Variants in IQCM observed in about 807,000 individuals in gnomAD.
IQCM encodes the protein IQ motif containing M.
IQCM carries 45 observed loss-of-function variants against 57.6 expected under a neutral mutation model. The observed-to-expected ratio is 0.78, with a 90% CI of 0.62 to 1.00. The LOEUF is 1.00. Ranked by LOEUF, IQCM falls within the 50% of genes least tolerant of loss-of-function variation. The pLI, the probability that IQCM is intolerant of heterozygous loss-of-function variation, is 0.00. For synonymous variants in IQCM, 148 were observed against 158.9 expected (o/e 0.93, Z 0.51); for missense variants, 468 against 511.6 (o/e 0.91, Z 0.82).
intron 12 of IQCM, 129 bp downstream of exon 12, chr4:149,548,326 A>G (rs144496619): frequency 2.8e-5 from 20 of 706,084 alleles, no homozygotes; most frequent in Middle Eastern, 4.6e-4. Context: ...AAGCACTTAC[A>G]CAAAAAGTTT....
chr4:149,797,073 AC>A (rs1162758383), intron 2 of IQCM, among the ~76,000 whole-genome samples: 12 of 152,142 alleles, frequency 7.9e-5, no homozygotes, highest in Admixed American at 5.9e-4. Context: ...ACTAAATAAG[AC>A]ACCAGGGGCC....
chr4:149,515,107 T>TGTGTGTGC (rs760549261), intron 12 of IQCM, among the ~76,000 whole-genome samples: 6 of 147,996 alleles, frequency 4.1e-5, no homozygotes, highest in Non-Finnish European at 7.4e-5. Context: ...TGTGTGTGTG[T>TGTGTGTGC]GCAGGCGCCC....
intron 2 of IQCM, among the ~76,000 whole-genome samples, chr4:149,765,994 A>C (rs890199399): frequency 6.6e-6 from 1 of 152,020 alleles, no homozygotes; most frequent in African/African-American, 2.4e-5. Context: ...TGCCCGCCAA[A>C]TTATCCTTAA....
chr4:149,761,847 A>G (rs567245399), intron 2 of IQCM, among the ~76,000 whole-genome samples: 16 of 152,226 alleles, frequency 1.1e-4, no homozygotes, highest in Admixed American at 6.6e-4. Flanking sequence ...TTCTTGTATG[A>G]TATGATTTAT....
chr4:149,719,670 A>G (rs1161088337), intron 5 of IQCM, among the ~76,000 whole-genome samples: 1 of 152,208 alleles, frequency 6.6e-6, no homozygotes, highest in African/African-American at 2.4e-5. Context: ...TGTTGGCTTT[A>G]TTCCAGAATT....
At chr4:149,482,356 C>T (rs1740999828) in intron 12 of IQCM, among the ~76,000 whole-genome samples, 1 of 151,844 alleles carries the variant, frequency 6.6e-6, no homozygotes, top group Non-Finnish European at 1.5e-5. Flanking sequence ...TGTCATGTTC[C>T]AGGTCTTAGA....
chr4:149,683,147 T>C (rs1413217651), intron 6 of IQCM, among the ~76,000 whole-genome samples: 2 of 151,214 alleles, frequency 1.3e-5, no homozygotes, highest in African/African-American at 4.8e-5. Flanking sequence ...AGAAATTCAT[T>C]GTATAGATTT....
chr4:149,693,961 C>T (rs911784987), intron 5 of IQCM, among the ~76,000 whole-genome samples: 2 of 152,132 alleles, frequency 1.3e-5, no homozygotes, highest in Non-Finnish European at 2.9e-5. Context: ...AAACAATTTG[C>T]AGCACTCATT....
At chr4:149,513,638 T>A (rs1485784237) in intron 12 of IQCM, among the ~76,000 whole-genome samples, 2 of 152,160 alleles carry the variant, frequency 1.3e-5, no homozygotes, top group Non-Finnish European at 2.9e-5. Flanking sequence ...GTTTCTGCAT[T>A]CTATAAGCTT....
chr4:149,736,563 G>A (rs1429010620), intron 3 of IQCM, among the ~76,000 whole-genome samples: 4 of 152,016 alleles, frequency 2.6e-5, no homozygotes, highest in Admixed American at 6.6e-5. Flanking sequence ...TACTATGAAG[G>A]TTTTCTCTAC....
intron 2 of IQCM, among the ~76,000 whole-genome samples, chr4:149,754,464 T>TCCATGCA (rs1196732426): frequency 1.3e-5 from 2 of 152,216 alleles, no homozygotes; most frequent in African/African-American, 4.8e-5. Flanking sequence ...TCAGAGGGTC[T>TCCATGCA]TTCTGGGGAA....
At chr4:149,614,891 T>C (rs1755648098) in intron 8 of IQCM, among the ~76,000 whole-genome samples, 1 of 152,204 alleles carries the variant, frequency 6.6e-6, no homozygotes, top group Admixed American at 6.5e-5. Flanking sequence ...CAGTGACACC[T>C]TCCTGACTCT....
intron 13 of IQCM, among the ~76,000 whole-genome samples, chr4:149,403,721 C>CTTTT (rs1732782287): frequency 6.6e-6 from 1 of 151,908 alleles, no homozygotes; most frequent in Non-Finnish European, 1.5e-5. Context: ...GAAAAAGGAA[C>CTTTT]AGCTTCGAGG....
intron 13 of IQCM, among the ~76,000 whole-genome samples, chr4:149,369,761 G>T (rs192493842): frequency 6.6e-6 from 1 of 152,048 alleles, no homozygotes; most frequent in Non-Finnish European, 1.5e-5. Context: ...ATAATCTTTT[G>T]GGTTCTAATT....
Position 149,553,176 on chromosome 4 carries a change from C to G in IQCM, c.1060G>C (p.Ala354Pro). The change falls in exon 11 of 14, where the codon GCA becomes CCA. Residue 354 changes from alanine (A) to proline (P), a missense_variant. Physicochemically the swap from Ala to Pro is conservative, Grantham distance 27 (BLOSUM62 -1). Coordinates refer to ENST00000636793, the MANE Select transcript of IQCM (RefSeq NM_001363507.2). ...CGGTCCATCCACTCCTCTAGCTCTGCTAAGTTGAGAATTTGTCTTGTCCTC... is the reference window on the plus strand; with the variant it reads ...CGGTCCATCCACTCCTCTAGCTCTGGTAAGTTGAGAATTTGTCTTGTCCTC... The part of the protein sequence containing the change: ...LWRTRQILNL[A>P]ELEEWMDRKK... 2 of 1,232,014 alleles carry G rather than the reference C, an allele frequency of 1.6e-6. No homozygotes were observed. The highest frequency in any genetic ancestry group is 6.3e-5 in the East Asian group (2 of 31,672). 76.3% of individuals were successfully genotyped at this position (1,232,014 alleles called of 1,614,324 possible).
chr4:149,687,666 A>G (rs1040413965), intron 5 of IQCM, among the ~76,000 whole-genome samples: 3 of 151,870 alleles, frequency 2.0e-5, no homozygotes, highest in Admixed American at 6.6e-5. Context: ...CTACAGACCA[A>G]TATCCCTGAT....
At chr4:149,572,803 C>T (rs1751287997) in intron 9 of IQCM, among the ~76,000 whole-genome samples, 1 of 151,834 alleles carries the variant, frequency 6.6e-6, no homozygotes, top group South Asian at 2.1e-4. Context: ...AAATAAGGCA[C>T]CATTTTTCAC....
At chr4:149,462,350 T>C (rs1411621016) in intron 12 of IQCM, among the ~76,000 whole-genome samples, 1 of 152,130 alleles carries the variant, frequency 6.6e-6, no homozygotes, top group Non-Finnish European at 1.5e-5. Context: ...AGAAAGAAAA[T>C]GACTCAGTCA....
chr4:149,695,752 T>C (rs1265754567), intron 5 of IQCM, among the ~76,000 whole-genome samples: 1 of 152,040 alleles, frequency 6.6e-6, no homozygotes, highest in African/African-American at 2.4e-5. Flanking sequence ...AAGAATGGGA[T>C]AGAATTCATA....
Sources: gnomAD v4.1 joint callset for allele counts (sites outside exome capture counted in the v4.1 genomes callset) on GRCh38, gnomAD v4.1.1 for gene constraint, MANE v1.5 for transcripts, NCBI Gene and HGNC (gene_info 2026-07-23, HGNC 2026-07-21) for gene names.